Variants in FLT1 observed in about 807,000 individuals in gnomAD.
FLT1 encodes the protein fms related receptor tyrosine kinase 1, also known as vascular endothelial growth factor receptor 1.
FLT1 carries 49 observed loss-of-function variants against 156.3 expected under a neutral mutation model. The observed-to-expected ratio is 0.31, with a 90% CI of 0.25 to 0.40. FLT1 has a LOEUF of 0.40. Among genes scored for constraint, FLT1 ranks in the 10% least tolerant of loss-of-function variants. The pLI is 1.00. For synonymous variants in FLT1, 594 were observed against 583.8 expected, an observed-to-expected ratio of 1.02 and a Z score of -0.25; for missense variants, 1,322 against 1,637.2, an observed-to-expected ratio of 0.81 and a Z score of 3.32.
At chr13:28,430,292 A>G (rs543408034) in intron 7 of FLT1, 125 bp from the exon 8 acceptor site, 2 of 720,628 alleles carry the variant, frequency 2.8e-6, no homozygotes, top group African/African-American at 3.5e-5. Context: ...GATAGAGCCT[A>G]TCAATGAGCC....
chr13:28,398,564 C>A (rs1294986284), intron 11 of FLT1, among the ~76,000 whole-genome samples: 1 of 152,172 alleles, frequency 6.6e-6, no homozygotes, highest in East Asian at 1.9e-4. Flanking sequence ...TTCATTGGTC[C>A]AAATTCTCTA....
intron 25 of FLT1, among the ~76,000 whole-genome samples, chr13:28,316,579 C>T (rs1445365695): frequency 2.6e-5 from 4 of 152,012 alleles, no homozygotes; most frequent in African/African-American, 9.7e-5. Flanking sequence ...ACATGGACAC[C>T]CGAAAAGCCA....
intron 3 of FLT1, among the ~76,000 whole-genome samples, chr13:28,449,415 A>G (rs1284050843): frequency 6.6e-6 from 1 of 152,194 alleles, no homozygotes; most frequent in Non-Finnish European, 1.5e-5. Context: ...GCAATTTAAT[A>G]TCTCCTAGTA....
At chr13:28,471,432 T>G (rs1396787709) in intron 1 of FLT1, among the ~76,000 whole-genome samples, 1 of 152,216 alleles carries the variant, frequency 6.6e-6, no homozygotes, top group Non-Finnish European at 1.5e-5. Flanking sequence ...CTTAACACAT[T>G]TCTTTGAGGC....
intron 3 of FLT1, among the ~76,000 whole-genome samples, chr13:28,450,789 A>ACTGT (rs1878885299): frequency 6.6e-6 from 1 of 152,148 alleles, no homozygotes; most frequent in Non-Finnish European, 1.5e-5. Context: ...GAGAGGAGAG[A>ACTGT]CTGTCCCACA....
chr13:28,362,190 A>G (rs1437505285), intron 14 of FLT1, among the ~76,000 whole-genome samples: 4 of 152,234 alleles, frequency 2.6e-5, no homozygotes. Flanking sequence ...TTAAACCCAG[A>G]TAACAGGGAA....
chr13:28,320,122 G>A (rs1326166798), intron 23 of FLT1, among the ~76,000 whole-genome samples: 1 of 152,064 alleles, frequency 6.6e-6, no homozygotes, highest in Non-Finnish European at 1.5e-5. Flanking sequence ...AGTGAGTTAG[G>A]CCTCACCACT....
chr13:28,408,839 T>G (rs1291924450), intron 10 of FLT1, among the ~76,000 whole-genome samples: 1 of 151,912 alleles, frequency 6.6e-6, no homozygotes, highest in Non-Finnish European at 1.5e-5. Flanking sequence ...GACTCCTACC[T>G]CCATTTGCAT....
At chr13:28,345,694 G>T (rs1479028628) in intron 15 of FLT1, 143 bp from the exon 16 acceptor site, 2 of 684,132 alleles carry the variant, frequency 2.9e-6, no homozygotes, top group Non-Finnish European at 2.7e-6. Flanking sequence ...CAGTCTCTGG[G>T]ACAGATCTCT....
chr13:28,397,702 A>G (rs917097168), intron 11 of FLT1, among the ~76,000 whole-genome samples: 34 of 150,630 alleles, frequency 2.3e-4, no homozygotes, highest in African/African-American at 7.8e-4. Context: ...CTTTTTTTCT[A>G]TGCTCAAATA....
intron 29 of FLT1, among the ~76,000 whole-genome samples, chr13:28,304,351 A>AAC (rs1174174223): frequency 1.3e-5 from 2 of 152,162 alleles, no homozygotes; most frequent in African/African-American, 4.8e-5. Flanking sequence ...GTGAAAAGGA[A>AAC]ACACACACGC....
chr13:28,361,579 A>G (rs1384966612), intron 14 of FLT1, among the ~76,000 whole-genome samples: 1 of 152,226 alleles, frequency 6.6e-6, no homozygotes, highest in Non-Finnish European at 1.5e-5. Context: ...TGAATTAAGT[A>G]TGAACAAAAG....
At chr13:28,410,424 G>T (rs905947582) in intron 10 of FLT1, among the ~76,000 whole-genome samples, 1 of 152,164 alleles carries the variant, frequency 6.6e-6, no homozygotes, top group Non-Finnish European at 1.5e-5. Context: ...TCTAGAAATT[G>T]CCCATCTGTT....
intron 10 of FLT1, among the ~76,000 whole-genome samples, chr13:28,425,705 G>A (rs1175592111): frequency 3.3e-5 from 5 of 151,830 alleles, no homozygotes; most frequent in African/African-American, 4.8e-5. Flanking sequence ...ACTTTTATCC[G>A]AATCTAATAG....
At chr13:28,401,001 G>A (rs1875396792) in intron 11 of FLT1, among the ~76,000 whole-genome samples, 1 of 152,098 alleles carries the variant, frequency 6.6e-6, no homozygotes, top group African/African-American at 2.4e-5. Context: ...AGAGGTGAGT[G>A]GATCACCTGA....
intron 14 of FLT1, among the ~76,000 whole-genome samples, chr13:28,360,252 T>TA (rs989694224): frequency 6.6e-6 from 1 of 152,242 alleles, no homozygotes. Flanking sequence ...TATAAATTGT[T>TA]ACGGCCATTT....
intron 14 of FLT1, among the ~76,000 whole-genome samples, chr13:28,380,687 G>A (rs1018200682): frequency 2.0e-5 from 3 of 152,056 alleles, no homozygotes; most frequent in African/African-American, 7.2e-5. Context: ...GGGTGGTGGA[G>A]GGGTGGTGGG....
chr13:28,313,812 A>C (rs180928719), intron 25 of FLT1, among the ~76,000 whole-genome samples: 1 of 151,706 alleles, frequency 6.6e-6, no homozygotes, highest in Non-Finnish European at 1.5e-5. Context: ...ATGGCTCCAG[A>C]TATCTCTTAA....
intron 1 of FLT1, among the ~76,000 whole-genome samples, chr13:28,477,303 T>C (rs550291030): frequency 1.3e-5 from 2 of 152,328 alleles, no homozygotes; most frequent in South Asian, 2.1e-4. Context: ...CTCCTTTTCA[T>C]GTGACATCAG....
Sources: gnomAD v4.1 joint callset for allele counts (sites outside exome capture counted in the v4.1 genomes callset) on GRCh38, gnomAD v4.1.1 for gene constraint, MANE v1.5 for transcripts, NCBI Gene and HGNC (gene_info 2026-07-23, HGNC 2026-07-21) for gene names.